Variants in SDC1 observed in about 807,000 individuals in gnomAD.
SDC1 encodes syndecan 1, also known as syndecan-1.
A neutral mutation model predicts 29.7 loss-of-function variants in SDC1; 14 were observed. That is an observed-to-expected ratio of 0.47 (90% CI 0.31 to 0.74). The LOEUF is 0.74. Ranked by LOEUF, SDC1 falls within the 30% of genes least tolerant of loss-of-function variation. SDC1 has a pLI of 0.05. For missense variants in SDC1, 406 were observed against 400.3 expected, an observed-to-expected ratio of 1.01 and a Z score of -0.12; for synonymous variants, 204 against 175.5, an observed-to-expected ratio of 1.16 and a Z score of -1.29.
At position 20,219,501 on chromosome 2, in the gene SDC1, CA is replaced by C. The variant is rs999062119; in HGVS notation, c.66+5300del. On this transcript the variant is annotated intron_variant, in intron 1 of 4. Transcript: ENST00000254351. ...TCTGCGGCCTCACCTCTACAACCTGCACCCCAAACATACCTCCTTGTGGTGA... is the reference window on the plus strand; with the variant it reads ...TCTGCGGCCTCACCTCTACAACCTGCCCCCAAACATACCTCCTTGTGGTGA... Among the ~76,000 whole-genome samples the C allele has an allele frequency of 1.8e-4, 27 of 152,330 alleles. No homozygotes were observed. The Middle Eastern group carries it at 0.02, about 115-fold the overall frequency.
At chr2:20,206,845 A>G (rs1677286685) in intron 1 of SDC1, among the ~76,000 whole-genome samples, 1 of 152,250 alleles carries the variant, frequency 6.6e-6, no homozygotes, top group South Asian at 2.1e-4. Context: ...CCTGGCACCC[A>G]GTGGGCACCC....
In SDC1 at chr2:20,224,943, C is replaced by G; in HGVS notation, c.-76G>C. ...CGGGCCGGCTTCGCGGGTTCCGCTG[C>G]TCGATGCTCTCTTGGGCGCCTGCCC... On this transcript the variant is annotated 5_prime_UTR_variant, in exon 1 of 5. Transcript: ENST00000254351. This position sits in a 1 kb window ranked among gnomAD's most constrained non-coding sequence, Gnocchi z 4.9. The G allele has an allele frequency of 8.4e-7, 1 of 1,196,820 alleles. No homozygotes were observed. Among genetic ancestry groups the G allele is most frequent in the African/African-American group, 1.6e-5 (1 of 63,000 alleles). 74.1% of individuals were successfully genotyped at this position (1,196,820 alleles called of 1,614,324 possible). A position where few individuals can be genotyped will look rare whatever the true frequency, so the allele number is the denominator to read the frequency against.
In SDC1 at chr2:20,202,775, G is replaced by C. The variant is rs1259088508; in HGVS notation, c.924C>G (p.Phe308Leu). 1 of 1,608,258 alleles carries C rather than the reference G, an allele frequency of 6.2e-7. No individual in the cohort carries two copies. Among genetic ancestry groups the C allele is most frequent in the Non-Finnish European group, 8.5e-7 (1 of 1,177,248 alleles). The change falls in exon 5 of 5, where the codon TTC becomes TTG. Residue 308 changes from phenylalanine to leucine, a missense_variant. Physicochemically the swap from Phe to Leu is conservative, Grantham distance 22. Coordinates refer to ENST00000254351, the MANE Select transcript of SDC1 (RefSeq NM_002997.5). ...AYQKPTKQEE[F>L]YA ...GCGCATGGCTCCCGCGTCAGGCATA[G>C]AATTCCTCCTGTTTGGTGGGCTTCT...
At chr2:20,207,870 A>G (rs1312680211) in intron 1 of SDC1, 1 of 887,590 alleles carries the variant, frequency 1.1e-6, no homozygotes, top group Non-Finnish European at 1.3e-6. Context: ...CTCCTTCATC[A>G]TCAAAGAATA....
intron 1 of SDC1, among the ~76,000 whole-genome samples, chr2:20,212,784 G>A (rs1270853925): frequency 6.6e-6 from 1 of 152,038 alleles, no homozygotes; most frequent in African/African-American, 2.4e-5. Flanking sequence ...CTGAGAGGAG[G>A]AGCACCTTTC....
intron 1 of SDC1, among the ~76,000 whole-genome samples, chr2:20,211,193 T>C (rs913853648): frequency 1.3e-5 from 2 of 152,204 alleles, no homozygotes; most frequent in South Asian, 2.1e-4. Flanking sequence ...ATGAAGTCTT[T>C]CGAGTTCCCC....
At position 20,202,716 on chromosome 2, in the gene SDC1, A is replaced by C. The variant is rs1352959242; in HGVS notation, c.*50T>G. 1.3e-6 allele frequency: 2 copies of C among 1,521,794 alleles called. No individual in the cohort carries two copies. Among genetic ancestry groups the C allele is most frequent in the Non-Finnish European group, 1.8e-6 (2 of 1,127,770 alleles). 94.3% of individuals were successfully genotyped at this position (1,521,794 alleles called of 1,614,324 possible). A position where few individuals can be genotyped will look rare whatever the true frequency, so the allele number is the denominator to read the frequency against. On this transcript the variant is annotated 3_prime_UTR_variant, in exon 5 of 5. Coordinates refer to ENST00000254351, the MANE Select transcript of SDC1 (RefSeq NM_002997.5). The stretch of plus-strand genomic sequence containing the variant: ...GCCTGCAGTTCTTCAAGGAAGAGGC[A>C]AGTGGGGGCCTAGTGAGTGGCAGGG...
intron 1 of SDC1, among the ~76,000 whole-genome samples, chr2:20,209,009 TG>T (rs1036465721): frequency 5.3e-5 from 8 of 152,090 alleles, no homozygotes; most frequent in African/African-American, 1.9e-4. Flanking sequence ...GCCTAGGGGC[TG>T]GGGGATCAAG....
chr2:20,209,105 T>G (rs1405647695), intron 1 of SDC1, among the ~76,000 whole-genome samples: 1 of 152,136 alleles, frequency 6.6e-6, no homozygotes, highest in African/African-American at 2.4e-5. Context: ...GCTGGTCTCC[T>G]GGCCATACCC....
chr2:20,220,635 C>T (rs531059123), intron 1 of SDC1, among the ~76,000 whole-genome samples: 21 of 152,098 alleles, frequency 1.4e-4, no homozygotes, highest in Non-Finnish European at 2.9e-4. Flanking sequence ...GAAATGAATA[C>T]GCAAATGACA....
In SDC1 at chr2:20,205,376, C is replaced by A. The variant is rs1228373546; in HGVS notation, c.115G>T (p.Asp39Tyr). The change falls in exon 2 of 5, where the codon GAT (aspartate) becomes TAT (tyrosine). Residue 39 changes from aspartate (D) to tyrosine (Y), a missense_variant. Transcript: ENST00000254351. ...LPPEDQDGSG[D>Y]DSDNFSGSGA... ...GAGCCGGAGAAGTTGTCAGAGTCAT[C>A]CCCAGAGCCATCTTGATCTTCAGGG... 1 of 1,613,980 alleles carries A rather than the reference C, an allele frequency of 6.2e-7. No homozygotes were observed. Among genetic ancestry groups the A allele is most frequent in the African/African-American group, 1.3e-5 (1 of 74,926 alleles).
Position 20,203,229 on chromosome 2 carries a change from G to A in SDC1, c.628-7C>T. ...AGGTTTCAAAGGTGAAGTCCTGTGG[G>A]AGGGCAGGGGCAGATTGGGTTGGCC... On this transcript the variant is annotated splice_polypyrimidine_tract_variant and splice_region_variant and intron_variant, in intron 3 of 4. Transcript: ENST00000254351. The A allele has an allele frequency of 6.2e-7, 1 of 1,601,288 alleles. No individual in the cohort carries two copies. Among genetic ancestry groups the A allele is most frequent in the Non-Finnish European group, 8.5e-7 (1 of 1,170,970 alleles).
chr2:20,218,530 C>T (rs923527804), intron 1 of SDC1, among the ~76,000 whole-genome samples: 2 of 146,188 alleles, frequency 1.4e-5, no homozygotes, highest in East Asian at 1.9e-4. Flanking sequence ...CACACACAGA[C>T]ACACACACAC....
intron 1 of SDC1, among the ~76,000 whole-genome samples, chr2:20,214,079 G>A (rs1469738425): frequency 6.6e-6 from 1 of 152,216 alleles, no homozygotes; most frequent in Non-Finnish European, 1.5e-5. Flanking sequence ...GCGGGTAGGT[G>A]GGAGCTCTGG....
At chr2:20,207,571 G>A (rs1677319374) in intron 1 of SDC1, 1 of 169,098 alleles carries the variant, frequency 5.9e-6, no homozygotes, top group South Asian at 1.9e-4. Flanking sequence ...CAGGCATGGT[G>A]GTGCGGGCCT....
intron 1 of SDC1, among the ~76,000 whole-genome samples, chr2:20,221,080 A>G (rs536436254): frequency 2.6e-5 from 4 of 152,236 alleles, no homozygotes; most frequent in African/African-American, 9.6e-5. Flanking sequence ...TCACCTTGGC[A>G]GCACCTCTTT....
Position 20,219,913 on chromosome 2 carries a change from C to T in SDC1, c.66+4889G>A, listed in dbSNP as rs148847961. Among the ~76,000 whole-genome samples, 420 of 152,320 alleles carry T rather than the reference C, an allele frequency of 2.8e-3. 1 individual carries two copies. Among genetic ancestry groups the T allele is most frequent in the Admixed American group, 4.8e-3 (74 of 15,308 alleles). On this transcript the variant is annotated intron_variant, in intron 1 of 4. Coordinates refer to ENST00000254351, the MANE Select transcript of SDC1 (RefSeq NM_002997.5). The stretch of plus-strand genomic sequence containing the variant: ...GGAGTCCTGGGTTCTGGCCACCACC[C>T]GCGCCATGCTGCCCGCCTCCCAGGC...
At position 20,204,143 on chromosome 2, in the gene SDC1, G is replaced by A. The variant is rs764297106; in HGVS notation, c.297C>T (p.Pro99=). 1 of 1,603,302 alleles carries A rather than the reference G, an allele frequency of 6.2e-7. No homozygotes were observed. The highest frequency in any genetic ancestry group is 1.7e-5 in the Admixed American group (1 of 59,994). Residue 99 remains proline, a synonymous_variant, in exon 3 of 5, where the codon CCC becomes CCT. Transcript: ENST00000254351. ...GCAGGACTACAGCCTCTCCCTCCTT[G>A]GGCCCCTCTCCAGCCGGCAGGGTGG... ...STSTLPAGEG[P]KEGEAVVLPE...
intron 1 of SDC1, among the ~76,000 whole-genome samples, chr2:20,219,041 G>A (rs1272959664): frequency 2.0e-5 from 3 of 152,192 alleles, no homozygotes; most frequent in African/African-American, 7.2e-5. Flanking sequence ...AGCCCCGAGC[G>A]CAGCAGGAGA....
Sources: gnomAD v4.1 joint callset for allele counts (sites outside exome capture counted in the v4.1 genomes callset) on GRCh38, gnomAD v4.1.1 for gene constraint, Gnocchi (gnomAD v3.1) non-coding constraint, MANE v1.5 for transcripts, NCBI Gene and HGNC (gene_info 2026-07-23, HGNC 2026-07-21) for gene names.